Variants in SPIN3 observed in about 807,000 individuals in gnomAD.
SPIN3 encodes spindlin family member 3, also known as spindlin-3.
For missense variants in SPIN3, 176 were observed against 196.4 expected (o/e 0.90, Z 0.62); for synonymous variants, 74 against 74.3 (o/e 1.00, Z 0.02).
rs368024081 is a variant in SPIN3 at position 56,990,880 on chromosome X, A to T, written c.*3291T>A. 5 of 107,165 alleles carry T rather than the reference A, an allele frequency of 4.7e-5. No homozygotes were observed. Among genetic ancestry groups the T allele is most frequent in the African/African-American group, 1.7e-4 (5 of 29,752 alleles). The allele number at this position is 107,165 out of a possible 1,213,427, so 8.8% of individuals were successfully genotyped here. A position where few individuals can be genotyped will look rare whatever the true frequency, so the allele number is the denominator to read the frequency against. On this transcript the variant is annotated 3_prime_UTR_variant, in exon 2 of 2. Coordinates refer to ENST00000374919, the MANE Select transcript of SPIN3 (RefSeq NM_001010862.3). ...TATATTGTTCAGTGAAAAAAGCAAA[A>T]TTCAGAACAGCATGTATAGTATGCC...
downstream of SPIN3, among the ~76,000 whole-genome samples, chrX:56,987,844 C>T (rs1924253429): frequency 8.9e-6 from 1 of 112,029 alleles, no homozygotes; most frequent in Admixed American, 9.5e-5. Flanking sequence ...CCTATATTCA[C>T]TAGTTACATG....
chrX:56,985,396 C>A (rs189966699), intron 2 of SPIN3, among the ~76,000 whole-genome samples: 1 of 112,413 alleles, frequency 8.9e-6, no homozygotes, highest in Non-Finnish European at 1.9e-5. Flanking sequence ...TTGTCCAATG[C>A]AACACCCCTT....
At chrX:56,976,329 G>T (rs958265731), downstream of SPIN3, 4 of 111,119 alleles carry the variant, frequency 3.6e-5, no homozygotes, top group Admixed American at 3.8e-4. Context: ...ATTGGTACAG[G>T]GATATTTCTA....
chrX:56,975,324 G>A (rs1019308931), downstream of SPIN3: 6 of 111,118 alleles, frequency 5.4e-5, no homozygotes, highest in African/African-American at 1.6e-4. Context: ...AAGGGGGGGT[G>A]CTTTCAATTT....
At chrX:56,987,623 G>T (rs757697431), downstream of SPIN3, among the ~76,000 whole-genome samples, 20 of 110,898 alleles carry the variant, frequency 1.8e-4, no homozygotes, top group Admixed American at 4.8e-4. Context: ...AATCACTATT[G>T]GGCAAATCCA....
At chrX:56,980,058 C>T (rs768204953) in intron 3 of SPIN3, 4 of 111,537 alleles carry the variant, frequency 3.6e-5, no homozygotes, top group South Asian at 7.6e-4. Flanking sequence ...AATCTTGTGA[C>T]GTACTCAGAT....
downstream of SPIN3, among the ~76,000 whole-genome samples, chrX:56,989,613 T>C (rs941312734): frequency 9.0e-6 from 1 of 111,392 alleles, no homozygotes; most frequent in South Asian, 3.8e-4. Flanking sequence ...CGAAGCTTCA[T>C]CTGTGTTTAT....
At position 56,991,993 on chromosome X, in the gene SPIN3, C is replaced by T. The variant is rs1924351095; in HGVS notation, c.*2178G>A. 6 of 293,369 alleles carry T rather than the reference C, an allele frequency of 2.0e-5. No individual in the cohort carries two copies. The highest frequency in any genetic ancestry group is 3.6e-5 in the Non-Finnish European group (6 of 168,839). The allele number at this position is 293,369 out of a possible 1,213,427, so 24.2% of individuals were successfully genotyped here. On this transcript the variant is annotated 3_prime_UTR_variant, in exon 2 of 2. Coordinates refer to ENST00000374919, the MANE Select transcript of SPIN3 (RefSeq NM_001010862.3). ...TTAGTTTGAACTATATGACCTCACC[C>T]CCACCCCATCAACTATTAAACTCCA... is the stretch of plus-strand genomic sequence containing the variant.
rs892321353 is a variant in SPIN3, at chrX:56,993,433, A to G, written c.*738T>C. On this transcript the variant is annotated 3_prime_UTR_variant, in exon 2 of 2. Coordinates refer to ENST00000374919, the MANE Select transcript of SPIN3 (RefSeq NM_001010862.3). ...CAGATACCAGCCAGAGCTATTGGAG[A>G]CAAGAGAGACCCTAATGCCACTGAT... is the stretch of plus-strand genomic sequence containing the variant. 9.0e-6 allele frequency: 1 copy of G among 111,536 alleles called. No homozygotes were observed. The highest frequency in any genetic ancestry group is 3.3e-5 in the African/African-American group (1 of 30,652). 9.2% of individuals were successfully genotyped at this position (111,536 alleles called of 1,213,427 possible).
chrX:56,985,866 T>C (rs1242697529), downstream of SPIN3, among the ~76,000 whole-genome samples: 1 of 111,669 alleles, frequency 9.0e-6, no homozygotes, highest in Non-Finnish European at 1.9e-5. Context: ...TTTCCTCTAG[T>C]AGTTCCTTTT....
Position 56,994,326 on chromosome X carries a change from T to A in SPIN3, c.622A>T (p.Ser208Cys). 8.2e-7 allele frequency: 1 copy of A among 1,212,203 alleles called. No homozygotes were observed. Among genetic ancestry groups the A allele is most frequent in the Non-Finnish European group, 1.1e-6 (1 of 895,657 alleles). The change falls in exon 2 of 2, where the codon AGC (serine) becomes TGC (cysteine). Residue 208 changes from serine to cysteine, a missense_variant. Coordinates refer to ENST00000374919, the MANE Select transcript of SPIN3 (RefSeq NM_001010862.3). ...AEREPGEVID[S>C]LVGKQVEYAK... ...TATTCCACCTGTTTGCCTACCAGGC[T>A]GTCTATGACTTCTCCTGGCTCCCTC...
rs754746858 is a variant in SPIN3 at position 56,994,246 on chromosome X, T to G, written c.702A>C (p.Ala234=). 3 of 1,209,922 alleles carry G rather than the reference T, an allele frequency of 2.5e-6. No homozygotes were observed. ...RTGMVIHQVE[A]KPSVYFIKFD... is the part of the protein sequence containing the mutation. ...ATTTGATGAAGTACACAGAGGGTTT[T>G]GCTTCTACCTGATGAATGACCATGC... The change falls in exon 2 of 2, where the codon GCA becomes GCC. Residue 234 remains alanine, a synonymous_variant. Transcript: ENST00000374919.
intron 3 of SPIN3, chrX:56,979,092 C>T (rs1274509391): frequency 1.8e-5 from 2 of 111,937 alleles, no homozygotes; most frequent in African/African-American, 6.5e-5. Flanking sequence ...TTAGATTAAA[C>T]TCAACATATA....
At chrX:56,990,012 C>T (rs1282463192), downstream of SPIN3, among the ~76,000 whole-genome samples, 2 of 104,845 alleles carry the variant, frequency 1.9e-5, no homozygotes, top group African/African-American at 3.4e-5. Flanking sequence ...GAAACCAGTT[C>T]CTGGTGCCAA....
chrX:56,995,265 T>G lies in SPIN3; in HGVS notation c.-52A>C. 7.6e-6 allele frequency: 2 copies of G among 264,086 alleles called. No homozygotes were observed. Among genetic ancestry groups the G allele is most frequent in the Non-Finnish European group, 1.3e-5 (2 of 149,154 alleles). The allele number at this position is 264,086 out of a possible 1,213,427, so 21.8% of individuals were successfully genotyped here. A position where few individuals can be genotyped will look rare whatever the true frequency, so the allele number is the denominator to read the frequency against. On this transcript the variant is annotated 5_prime_UTR_variant, in exon 1 of 2. Transcript: ENST00000374919. ...ACCGTCCCGGATTGCGGGCCTCAAG[T>G]GCACAAATCGGACACCTCGCCGTTG...
At chrX:56,983,612 G>A (rs1924165142) in intron 3 of SPIN3, among the ~76,000 whole-genome samples, 1 of 112,644 alleles carries the variant, frequency 8.9e-6, no homozygotes, top group African/African-American at 3.2e-5. Flanking sequence ...GTTTAAGCAA[G>A]GGAGGCCCTA....
At chrX:56,989,685 A>G (rs918459908), downstream of SPIN3, among the ~76,000 whole-genome samples, 1 of 111,310 alleles carries the variant, frequency 9.0e-6, no homozygotes, top group Non-Finnish European at 1.9e-5. Flanking sequence ...CAGCAGTGGC[A>G]TTAGATGCTC....
chrX:56,994,523 C>A lies in SPIN3; in HGVS notation c.425G>T (p.Gly142Val), dbSNP rs1266918517. 14 of 1,210,174 alleles carry A rather than the reference C, an allele frequency of 1.2e-5. No individual in the cohort carries two copies. The highest frequency in any genetic ancestry group is 1.5e-5 in the Non-Finnish European group (13 of 895,304). ...CATCCCCCTCCATTCATTTTTGGAA[C>A]CTTCCTCTGTCTCAAAAATATGTTC... is the stretch of plus-strand genomic sequence containing the variant. Reference protein sequence around the residue: ...AVEHIFETEEGSKNEWRGMVL... With the variant: ...AVEHIFETEEVSKNEWRGMVL... Residue 142 changes from glycine (G) to valine (V), a missense_variant, in exon 2 of 2, where the codon GGT becomes GTT. By Grantham distance (109) the Gly-to-Val change is moderately radical. Coordinates refer to ENST00000374919, the MANE Select transcript of SPIN3 (RefSeq NM_001010862.3).
chrX:56,982,826 A>T (rs1384567158), intron 3 of SPIN3: 1 of 112,148 alleles, frequency 8.9e-6, no homozygotes, highest in African/African-American at 3.2e-5. Flanking sequence ...ATGTTTAAGT[A>T]AATCCTGTTT....
Sources: gnomAD v4.1 joint callset for allele counts (sites outside exome capture counted in the v4.1 genomes callset) on GRCh38, gnomAD v4.1.1 for gene constraint, MANE v1.5 for transcripts, NCBI Gene and HGNC (gene_info 2026-07-23, HGNC 2026-07-21) for gene names.